GABRB3: variants seen among roughly 807,000 people sequenced by gnomAD.
GABRB3 encodes gamma-aminobutyric acid type A receptor subunit beta3, also known as gamma-aminobutyric acid receptor subunit beta-3.
Under a neutral mutation model 52.1 loss-of-function variants are expected in GABRB3, and 14 were observed. The observed-to-expected ratio is 0.27, with a 90% CI of 0.18 to 0.42. The LOEUF is 0.42. GABRB3 is among the 10% of genes least tolerant of loss of function. The pLI, the probability that GABRB3 is intolerant of heterozygous loss-of-function variation, is 1.00. For missense variants in GABRB3, 307 were observed against 609.1 expected, an observed-to-expected ratio of 0.50 and a Z score of 5.22; for synonymous variants, 260 against 232.3, an observed-to-expected ratio of 1.12 and a Z score of -1.08.
intron 3 of GABRB3, among the ~76,000 whole-genome samples, chr15:26,641,344 G>T (rs1023323382): frequency 4.6e-5 from 7 of 152,236 alleles, no homozygotes; most frequent in Non-Finnish European, 8.8e-5. Flanking sequence ...GAGAAGGCTT[G>T]CTTCAGCCAG....
chr15:26,684,601 A>G (rs1888343404), intron 3 of GABRB3, among the ~76,000 whole-genome samples: 1 of 152,126 alleles, frequency 6.6e-6, no homozygotes, highest in South Asian at 2.1e-4. Flanking sequence ...AGGGACGTGC[A>G]ACTCCTCCTT....
intron 3 of GABRB3, among the ~76,000 whole-genome samples, chr15:26,759,199 A>G (rs1182752109): frequency 2.0e-5 from 3 of 152,154 alleles, no homozygotes; most frequent in Admixed American, 1.3e-4. Flanking sequence ...CTCGGACTTT[A>G]TGTATATAAA....
chr15:26,605,115 A>G (rs886700579), intron 4 of GABRB3, among the ~76,000 whole-genome samples: 2 of 152,218 alleles, frequency 1.3e-5, no homozygotes, highest in African/African-American at 2.4e-5. Context: ...TTGAATAGAC[A>G]TTTCTCAAAA....
rs10569776 is a variant in GABRB3, at chr15:26,545,194, T to TTGTGTGTGTGTG, written c.*2587_*2598dup. ...GTTTTTACAGAATATATGTATGTATTTGTGTGTGTGTGTGTGTGTGTGTGT... is the reference window on the plus strand; with the variant it reads ...GTTTTTACAGAATATATGTATGTATTTGTGTGTGTGTGTGTGTGTGTGTGTGTGTGTGTGTGT... On this transcript the variant is annotated 3_prime_UTR_variant, in exon 9 of 9. Coordinates refer to ENST00000311550, the MANE Select transcript of GABRB3 (RefSeq NM_000814.6). The TTGTGTGTGTGTG allele has an allele frequency of 1.3e-5, 2 of 149,740 alleles. No homozygotes were observed. The highest frequency in any genetic ancestry group is 4.9e-5 in the African/African-American group (2 of 40,744). 9.3% of individuals were successfully genotyped at this position (149,740 alleles called of 1,614,324 possible).
chr15:26,763,635 CA>C (rs1181656200), intron 3 of GABRB3, among the ~76,000 whole-genome samples: 3 of 151,856 alleles, frequency 2.0e-5, no homozygotes, highest in Admixed American at 6.6e-5. Context: ...CACACACACA[CA>C]CACCATGGAA....
At chr15:26,659,874 T>C (rs17738087) in intron 3 of GABRB3, among the ~76,000 whole-genome samples, 20,397 of 152,068 alleles carry the variant, frequency 0.13, 3,030 homozygotes, top group East Asian at 0.82. Context: ...TCAGGAATCA[T>C]GGAGGAATCC....
chr15:26,732,391 C>T (rs1384867717), intron 3 of GABRB3, among the ~76,000 whole-genome samples: 1 of 152,048 alleles, frequency 6.6e-6, no homozygotes, highest in Non-Finnish European at 1.5e-5. Context: ...ATGAATCACA[C>T]TTCTTCTTAC....
intron 3 of GABRB3, among the ~76,000 whole-genome samples, chr15:26,694,178 C>T (rs1449990642): frequency 6.6e-6 from 1 of 152,166 alleles, no homozygotes; most frequent in Non-Finnish European, 1.5e-5. Context: ...GGCCTATCTG[C>T]AAGGATAACT....
chr15:26,559,392 A>G (rs555407856), intron 8 of GABRB3, among the ~76,000 whole-genome samples: 25 of 152,292 alleles, frequency 1.6e-4, no homozygotes, highest in African/African-American at 5.5e-4. Flanking sequence ...TGCTTCCTGT[A>G]AAACCTGCAG....
chr15:26,651,737 A>G (rs1449241907), intron 3 of GABRB3, among the ~76,000 whole-genome samples: 1 of 152,158 alleles, frequency 6.6e-6, no homozygotes, highest in African/African-American at 2.4e-5. Context: ...TCTTAACCCG[A>G]TATGATGTGC....
chr15:26,619,375 G>A (rs1892386266), intron 4 of GABRB3, among the ~76,000 whole-genome samples: 1 of 151,732 alleles, frequency 6.6e-6, no homozygotes, highest in South Asian at 2.1e-4. Flanking sequence ...GTAGGGACAT[G>A]GATGAAATTG....
intron 3 of GABRB3, among the ~76,000 whole-genome samples, chr15:26,702,878 G>C (rs1352352039): frequency 6.6e-6 from 1 of 152,198 alleles, no homozygotes; most frequent in Non-Finnish European, 1.5e-5. Context: ...CTCTCAAATA[G>C]ATGTGAGGAA....
chr15:26,630,197 C>A (rs887647425), intron 3 of GABRB3, among the ~76,000 whole-genome samples: 4 of 152,164 alleles, frequency 2.6e-5, no homozygotes, highest in African/African-American at 9.6e-5. Context: ...GCCCAGGGCA[C>A]CTGCAGAGAC....
intron 3 of GABRB3, among the ~76,000 whole-genome samples, chr15:26,699,129 T>C (rs1268026611): frequency 6.6e-6 from 1 of 151,910 alleles, no homozygotes; most frequent in South Asian, 2.1e-4. Context: ...AGAGGAAAAT[T>C]TGTCAGAGTT....
chr15:26,754,562 C>G (rs1353350107), intron 3 of GABRB3, among the ~76,000 whole-genome samples: 3 of 152,184 alleles, frequency 2.0e-5, no homozygotes, highest in Admixed American at 2.0e-4. Flanking sequence ...AACATTTTGT[C>G]TCTGCATCAG....
At chr15:26,640,695 C>T (rs1414114691) in intron 3 of GABRB3, among the ~76,000 whole-genome samples, 1 of 152,194 alleles carries the variant, frequency 6.6e-6, no homozygotes, top group Non-Finnish European at 1.5e-5. Context: ...ACTGTGAGAA[C>T]AATAATTCAA....
At chr15:26,715,109 C>T (rs1314904813) in intron 3 of GABRB3, among the ~76,000 whole-genome samples, 1 of 152,022 alleles carries the variant, frequency 6.6e-6, no homozygotes, top group Non-Finnish European at 1.5e-5. Context: ...TCCTTGAGGA[C>T]CTGGGGGGGT....
chr15:26,554,695 T>G (rs192339312), intron 8 of GABRB3, among the ~76,000 whole-genome samples: 2 of 152,288 alleles, frequency 1.3e-5, no homozygotes, highest in Non-Finnish European at 2.9e-5. Context: ...GGTGTGCATA[T>G]TTTGGAAGAT....
chr15:26,725,622 T>C (rs556927736), intron 3 of GABRB3, among the ~76,000 whole-genome samples: 16 of 152,338 alleles, frequency 1.1e-4, no homozygotes, highest in African/African-American at 3.4e-4. Flanking sequence ...CTAGAACAAG[T>C]TGACTATCCC....
Sources: allele counts gnomAD v4.1 joint callset (sites outside exome capture counted in the v4.1 genomes callset), GRCh38; gene constraint gnomAD v4.1.1; transcripts MANE v1.5; gene names NCBI Gene and HGNC (gene_info 2026-07-23, HGNC 2026-07-21).